The following LATS1 variants were observed in gnomAD, a reference collection of about 807,000 sequenced individuals.
LATS1 encodes serine/threonine-protein kinase LATS1.
In LATS1, 25 loss-of-function variants were observed where a neutral mutation model predicts 106.6. That is an observed-to-expected ratio of 0.23 (90% CI 0.17 to 0.33). The LOEUF (loss-of-function observed/expected upper bound fraction) is 0.33, where lower values mean the gene tolerates loss of function less well. Ranked by LOEUF, LATS1 falls within the 10% of genes least tolerant of loss-of-function variation. LATS1 has a pLI of 1.00. For missense variants in LATS1, 1,040 were observed against 1,382.6 expected (o/e 0.75, Z 3.93); for synonymous variants, 465 against 455.6 (o/e 1.02, Z -0.26).
intron 3 of LATS1, among the ~76,000 whole-genome samples, chr6:149,691,808 T>C (rs907038363): frequency 6.6e-6 from 1 of 152,198 alleles, no homozygotes; most frequent in Non-Finnish European, 1.5e-5. Flanking sequence ...TAGCCAGATT[T>C]ATGATCTTTC....
Position 149,661,624 on chromosome 6 carries a change from CAT to C in LATS1, c.*103_*104del, listed in dbSNP as rs1402384855. On this transcript the variant is annotated 3_prime_UTR_variant, in exon 8 of 8. Coordinates refer to ENST00000543571, the MANE Select transcript of LATS1 (RefSeq NM_004690.4). ...AATAAAATATTGTACACAGAGCACA[CAT>C]ATATAGCTCTGTCATATTTGCATAA... 2 of 859,268 alleles carry C rather than the reference CAT, an allele frequency of 2.3e-6. No homozygotes were observed. The highest frequency in any genetic ancestry group is 2.6e-5 in the Admixed American group (1 of 38,970). The allele number at this position is 859,268 out of a possible 1,614,324, so 53.2% of individuals were successfully genotyped here.
At chr6:149,682,206 C>T (rs1033875010) in intron 4 of LATS1, among the ~76,000 whole-genome samples, 1 of 151,874 alleles carries the variant, frequency 6.6e-6, no homozygotes, top group Admixed American at 6.6e-5. Context: ...ACTCTGATCT[C>T]CCTTTTAGTA....
rs1369243264 is a variant in LATS1, at chr6:149,684,607, G to A, written c.497-15C>T. The A allele has an allele frequency of 2.0e-5, 30 of 1,500,702 alleles. No individual in the cohort carries two copies. Among genetic ancestry groups the A allele is most frequent in the African/African-American group, 2.8e-5 (2 of 71,328 alleles). 93.0% of individuals were successfully genotyped at this position (1,500,702 alleles called of 1,614,324 possible). The stretch of plus-strand genomic sequence containing the variant: ...CTGCACATTCCCTATGGTTATAAGA[G>A]AGATAAAGAGAAAAAAGAATCATGT... On this transcript the variant is annotated splice_polypyrimidine_tract_variant and intron_variant, in intron 3 of 7. Coordinates refer to ENST00000543571, the MANE Select transcript of LATS1 (RefSeq NM_004690.4).
chr6:149,679,686 A>T (rs1781930334), intron 5 of LATS1, among the ~76,000 whole-genome samples, 189 bp downstream of exon 5: 1 of 152,218 alleles, frequency 6.6e-6, no homozygotes, highest in African/African-American at 2.4e-5. Context: ...CTAAACAATC[A>T]AGTCTAGCAC....
At chr6:149,672,445 G>C (rs763538633) in intron 7 of LATS1, among the ~76,000 whole-genome samples, 3 of 151,000 alleles carry the variant, frequency 2.0e-5, no homozygotes, top group Non-Finnish European at 4.4e-5. Context: ...CTGACCTCAG[G>C]TGATCTGCCT....
chr6:149,717,398 G>A (rs1306985307), intron 1 of LATS1, among the ~76,000 whole-genome samples: 1 of 152,162 alleles, frequency 6.6e-6, no homozygotes. Flanking sequence ...CACTGAACTA[G>A]ACGTAAGAGA....
intron 1 of LATS1, 188 bp downstream of exon 1, chr6:149,717,661 C>T (rs1393817754): frequency 6.2e-6 from 1 of 160,836 alleles, no homozygotes; most frequent in Non-Finnish European, 1.4e-5. Context: ...CCAACCCTCG[C>T]TTCCCCAGGG....
intron 2 of LATS1, chr6:149,697,102 G>A (rs1783138889): frequency 3.8e-6 from 5 of 1,321,532 alleles, no homozygotes; most frequent in Non-Finnish European, 4.0e-6. Context: ...TTGTCCTAGA[G>A]GATTCAGTAT....
At chr6:149,665,136 T>C (rs952012295) in intron 7 of LATS1, among the ~76,000 whole-genome samples, 12 of 151,536 alleles carry the variant, frequency 7.9e-5, no homozygotes, top group Non-Finnish European at 5.9e-5. Context: ...CCGAGGCGGG[T>C]GGATCACTTG....
intron 7 of LATS1, among the ~76,000 whole-genome samples, chr6:149,665,845 T>C (rs2114698337): frequency 6.6e-6 from 1 of 152,208 alleles, no homozygotes; most frequent in East Asian, 1.9e-4. Context: ...AAATTCTCCA[T>C]AAGATCCAGA....
At chr6:149,697,067 T>C (rs1197546190) in intron 2 of LATS1, 2 of 1,012,598 alleles carry the variant, frequency 2.0e-6, no homozygotes, top group Admixed American at 4.1e-5. Context: ...GACATGCATT[T>C]TTCAAGAGGG....
chr6:149,666,393 A>AT (rs1781151821), intron 7 of LATS1, among the ~76,000 whole-genome samples: 1 of 151,616 alleles, frequency 6.6e-6, no homozygotes, highest in East Asian at 1.9e-4. Context: ...TGAGGCGGGC[A>AT]GATCACAAGG....
chr6:149,684,795 C>T (rs937443778), intron 3 of LATS1, among the ~76,000 whole-genome samples: 9 of 151,410 alleles, frequency 5.9e-5, no homozygotes, highest in South Asian at 4.2e-4. Flanking sequence ...TGAAAATTGC[C>T]GAGAGTAAAT....
Position 149,661,775 on chromosome 6 carries a change from T to C in LATS1, c.3347A>G (p.Gln1116Arg). ...GSEQQSDEDDQNTGSEIKNRD... is the reference protein window; with the variant it reads ...GSEQQSDEDDRNTGSEIKNRD... ...ATTTTTAATCTCTGAGCCTGTGTTT[T>C]GATCATCTTCATCCGACTGCTGCTC... The change falls in exon 8 of 8, where the codon CAA (glutamine) becomes CGA (arginine). Residue 1116 changes from glutamine (Q) to arginine (R), a missense_variant. This residue lies in a region of LATS1 where 46 missense variants were observed against 42.4 expected (regional missense o/e 1.09). Coordinates refer to ENST00000543571, the MANE Select transcript of LATS1 (RefSeq NM_004690.4). 2 of 1,593,446 alleles carry C rather than the reference T, an allele frequency of 1.3e-6. No individual in the cohort carries two copies. The highest frequency in any genetic ancestry group is 1.7e-6 in the Non-Finnish European group (2 of 1,171,484).
chr6:149,670,255 C>T (rs1781378227), intron 7 of LATS1, among the ~76,000 whole-genome samples: 1 of 140,440 alleles, frequency 7.1e-6, no homozygotes, highest in African/African-American at 2.7e-5. Flanking sequence ...ACTAGAGCAA[C>T]CACAAACAAA....
chr6:149,696,778 A>G (rs1429968007), intron 2 of LATS1, among the ~76,000 whole-genome samples: 1 of 152,124 alleles, frequency 6.6e-6, no homozygotes, highest in African/African-American at 2.4e-5. Context: ...GCTATATAGT[A>G]CGATGAAAAA....
intron 7 of LATS1, among the ~76,000 whole-genome samples, chr6:149,668,778 T>C (rs1184423773): frequency 2.0e-5 from 3 of 151,842 alleles, no homozygotes; most frequent in Non-Finnish European, 2.9e-5. Context: ...AACTTGATGG[T>C]TGAAAGCAAA....
chr6:149,669,434 G>C (rs2114721151), intron 7 of LATS1, among the ~76,000 whole-genome samples: 1 of 152,034 alleles, frequency 6.6e-6, no homozygotes, highest in Middle Eastern at 3.4e-3. Flanking sequence ...TGCCTGGCTG[G>C]ATGAGGTTTT....
At chr6:149,715,553 T>C (rs1417273629) in intron 1 of LATS1, among the ~76,000 whole-genome samples, 1 of 152,210 alleles carries the variant, frequency 6.6e-6, no homozygotes, top group Non-Finnish European at 1.5e-5. Context: ...AAAATGAACA[T>C]ATGTATAATA....
Sources: gnomAD v4.1 joint callset for allele counts (sites outside exome capture counted in the v4.1 genomes callset) on GRCh38, gnomAD v4.1.1 for gene constraint, gnomAD v4.1.1 regional missense constraint, MANE v1.5 for transcripts, NCBI Gene and HGNC (gene_info 2026-07-23, HGNC 2026-07-21) for gene names.